Variants in SUSD5 observed in about 807,000 individuals in gnomAD.
The protein encoded by SUSD5 is sushi domain containing 5, also known as sushi domain-containing protein 5.
In SUSD5, 33 loss-of-function variants were observed where a neutral mutation model predicts 29.5. The ratio of observed to expected loss-of-function variants is 1.12; its 90% confidence interval spans 0.85 to 1.49. The LOEUF (loss-of-function observed/expected upper bound fraction) is 1.49, where lower values mean the gene tolerates loss of function less well. Ranked by LOEUF, SUSD5 falls within the 40% of genes most tolerant of loss-of-function variation. SUSD5 has a pLI of 0.00. For synonymous variants in SUSD5, 308 were observed against 325.3 expected (o/e 0.95, Z 0.57); for missense variants, 776 against 800.6 (o/e 0.97, Z 0.37).
At chr3:33,209,669 TC>T (rs1349064773) in intron 2 of SUSD5, among the ~76,000 whole-genome samples, 2 of 151,592 alleles carry the variant, frequency 1.3e-5, no homozygotes, top group East Asian at 3.9e-4. Flanking sequence ...TCTTTTTTTT[TC>T]TTTTCTTTTC....
chr3:33,153,095 TTG>T lies in SUSD5; in HGVS notation c.1535_1536del (p.Ser512TyrfsTer16). The T allele has an allele frequency of 6.2e-7, 1 of 1,613,850 alleles. No individual in the cohort carries two copies. Among genetic ancestry groups the T allele is most frequent in the Non-Finnish European group, 8.5e-7 (1 of 1,179,818 alleles). ...GGAGGCTGGGTGGTTGCCATGATCGTTGAGGGGATGTGGTTAGGTGTCTGCTT... is the reference window on the plus strand; with the variant it reads ...GGAGGCTGGGTGGTTGCCATGATCGTAGGGGATGTGGTTAGGTGTCTGCTT... ...TVKQTPNHIP[S>X]TIMATTQPPV... On this transcript the variant is annotated frameshift_variant, in exon 5 of 5. Transcript: ENST00000309558. LOFTEE classifies it high-confidence loss of function.
intron 3 of SUSD5, among the ~76,000 whole-genome samples, chr3:33,189,021 T>A (rs1312222599): frequency 6.6e-6 from 1 of 152,196 alleles, no homozygotes; most frequent in African/African-American, 2.4e-5. Context: ...TTCCAACTTG[T>A]AGGGATTCTA....
At chr3:33,209,775 G>A (rs918452102) in intron 2 of SUSD5, among the ~76,000 whole-genome samples, 1 of 151,608 alleles carries the variant, frequency 6.6e-6, no homozygotes, top group African/African-American at 2.4e-5. Context: ...AGCCTCCCAA[G>A]TAGCTGGGAC....
chr3:33,160,878 A>C (rs2031172150), intron 4 of SUSD5, among the ~76,000 whole-genome samples: 1 of 152,224 alleles, frequency 6.6e-6, no homozygotes, highest in Non-Finnish European at 1.5e-5. Flanking sequence ...GCCTACAGCC[A>C]TACCAAATTA....
intron 4 of SUSD5, among the ~76,000 whole-genome samples, chr3:33,168,186 T>G (rs2031345606): frequency 6.6e-6 from 1 of 152,228 alleles, no homozygotes; most frequent in African/African-American, 2.4e-5. Context: ...CTCCCAGGGC[T>G]GCTACTTTCC....
intron 3 of SUSD5, among the ~76,000 whole-genome samples, chr3:33,203,543 TATAATG>T: frequency 6.6e-6 from 1 of 152,184 alleles, no homozygotes; most frequent in Non-Finnish European, 1.5e-5. Context: ...ATGAACCACA[TATAATG>T]CCTGCTCTTT....
Position 33,151,241 on chromosome 3 carries a change from G to A in SUSD5, c.*1501C>T, listed in dbSNP as rs573944003. ...CCAGGGTTCCTGTTTCCTGAGTCCA[G>A]GGTGGGACTAGAGAATTTGCATCTC... On this transcript the variant is annotated 3_prime_UTR_variant, in exon 5 of 5. Coordinates refer to ENST00000309558, the MANE Select transcript of SUSD5 (RefSeq NM_015551.2). 7.2e-4 allele frequency: 109 copies of A among 152,344 alleles called. No individual in the cohort carries two copies. The highest frequency in any genetic ancestry group is 2.5e-3 in the African/African-American group (104 of 41,572). 9.4% of individuals were successfully genotyped at this position (152,344 alleles called of 1,614,324 possible). A position where few individuals can be genotyped will look rare whatever the true frequency, so the allele number is the denominator to read the frequency against.
chr3:33,182,358 C>CA (rs1164158144), intron 3 of SUSD5, among the ~76,000 whole-genome samples: 1 of 152,170 alleles, frequency 6.6e-6, no homozygotes, highest in East Asian at 1.9e-4. Context: ...TTGATCCTAG[C>CA]AAATGTTCCA....
chr3:33,195,699 C>A (rs2031981424), intron 3 of SUSD5, among the ~76,000 whole-genome samples: 2 of 145,718 alleles, frequency 1.4e-5, no homozygotes. Context: ...TTCTTTGAAG[C>A]ATATTCAATG....
Position 33,153,466 on chromosome 3 carries a change from T to G in SUSD5, c.1166A>C (p.Glu389Ala). ...CCCATCCCCTCTGTCCCCATCTTCT[T>G]CCTCTTCTGCCTCTGTCTTCCTCCA... ...GAWRKTEAEEEEDGDRGDGSV... is the reference protein window; with the variant it reads ...GAWRKTEAEEAEDGDRGDGSV... The change falls in exon 5 of 5, where the codon GAA (glutamate) becomes GCA (alanine). Residue 389 changes from glutamate (E) to alanine (A), a missense_variant. Transcript: ENST00000309558. 1.2e-6 allele frequency: 2 copies of G among 1,614,068 alleles called. No individual in the cohort carries two copies. The highest frequency in any genetic ancestry group is 1.7e-6 in the Non-Finnish European group (2 of 1,179,994).
chr3:33,188,268 T>G lies in SUSD5; in HGVS notation c.410-13194A>C, dbSNP rs184027761. On this transcript the variant is annotated intron_variant, in intron 3 of 4. Transcript: ENST00000309558. ...AATTTTAAAGAAGAGCCTGCAAAACTCAATTATTACTTTGCAAGACAAAAA... is the reference window on the plus strand; with the variant it reads ...AATTTTAAAGAAGAGCCTGCAAAACGCAATTATTACTTTGCAAGACAAAAA... Among the ~76,000 whole-genome samples the G allele has an allele frequency of 1.5e-4, 23 of 152,336 alleles. No individual in the cohort carries two copies. The East Asian group carries it at 4.3e-3, about 28-fold the overall frequency.
At chr3:33,190,760 T>C (rs2125626341) in intron 3 of SUSD5, among the ~76,000 whole-genome samples, 1 of 152,258 alleles carries the variant, frequency 6.6e-6, no homozygotes, top group East Asian at 1.9e-4. Context: ...TGACAGATCC[T>C]CCAAAAGGAA....
At chr3:33,203,864 CTGT>C (rs139490370) in intron 3 of SUSD5, among the ~76,000 whole-genome samples, 18,948 of 152,098 alleles carry the variant, frequency 0.12, 1,495 homozygotes, top group South Asian at 0.24. Context: ...CTGTCTGCTG[CTGT>C]TGTTGTTTTT....
chr3:33,199,496 A>C (rs1213349478), intron 3 of SUSD5, among the ~76,000 whole-genome samples: 1 of 152,136 alleles, frequency 6.6e-6, no homozygotes, highest in African/African-American at 2.4e-5. Flanking sequence ...GACGGTCTCG[A>C]TCTCCTGACC....
intron 4 of SUSD5, chr3:33,168,553 T>C (rs1401659317): frequency 1.0e-6 from 1 of 985,376 alleles, no homozygotes; most frequent in Non-Finnish European, 1.2e-6. Context: ...TGAGGAGGTG[T>C]GCTGCCCCGA....
chr3:33,178,976 G>T (rs993639305), intron 3 of SUSD5, among the ~76,000 whole-genome samples: 2 of 152,194 alleles, frequency 1.3e-5, no homozygotes, highest in Non-Finnish European at 2.9e-5. Context: ...AACCCTCTGG[G>T]CTTGGTGCTT....
intron 1 of SUSD5, among the ~76,000 whole-genome samples, chr3:33,217,703 T>TC (rs1331139725): frequency 3.6e-4 from 55 of 151,394 alleles, no homozygotes; most frequent in Admixed American, 1.4e-3. Flanking sequence ...TTTTTTTTTT[T>TC]CCCCATGTCT....
intron 3 of SUSD5, among the ~76,000 whole-genome samples, chr3:33,194,373 G>A (rs2031954841): frequency 6.6e-6 from 1 of 152,102 alleles, no homozygotes; most frequent in African/African-American, 2.4e-5. Flanking sequence ...CTTAATAAAT[G>A]GGCTCTATCT....
chr3:33,203,054 C>A (rs772289516), intron 3 of SUSD5, among the ~76,000 whole-genome samples: 1 of 152,190 alleles, frequency 6.6e-6, no homozygotes, highest in African/African-American at 2.4e-5. Context: ...TTGAGCTGGA[C>A]CTCACCTACA....
Sources: allele counts gnomAD v4.1 joint callset (sites outside exome capture counted in the v4.1 genomes callset), GRCh38; gene constraint gnomAD v4.1.1; transcripts MANE v1.5; gene names NCBI Gene and HGNC (gene_info 2026-07-23, HGNC 2026-07-21).